Variants in DLGAP1 observed in about 807,000 individuals in gnomAD.
The protein encoded by DLGAP1 is DLG associated protein 1.
In DLGAP1, 11 loss-of-function variants were observed where a neutral mutation model predicts 90.8. The ratio of observed to expected loss-of-function variants is 0.12; its 90% CI spans 0.08 to 0.20. The LOEUF (loss-of-function observed/expected upper bound fraction) is 0.20, where lower values mean the gene tolerates loss of function less well. DLGAP1 is among the 10% of genes least tolerant of loss of function. DLGAP1 has a pLI of 1.00. For synonymous variants in DLGAP1, 558 were observed against 540.7 expected, an observed-to-expected ratio of 1.03 and a Z score of -0.44; for missense variants, 1,050 against 1,333.8, an observed-to-expected ratio of 0.79 and a Z score of 3.31.
chr18:3,611,566 C>T lies in DLGAP1; in HGVS notation c.1592-29318G>A, dbSNP rs992644518. Among the ~76,000 whole-genome samples, 129 of 152,254 alleles carry T rather than the reference C, an allele frequency of 8.5e-4. 1 individual carries two copies. Among genetic ancestry groups the T allele is most frequent in the Non-Finnish European group, 1.5e-3 (105 of 68,022 alleles). On this transcript the variant is annotated intron_variant, in intron 7 of 12. Transcript: ENST00000315677. ...AGCCCCTGCTTGTCATTTCTGTTAA[C>T]GCGTCCCCGCCTCCCACCTCGAAAT...
At chr18:3,971,852 CATA>C (rs1315362916) in intron 3 of DLGAP1, among the ~76,000 whole-genome samples, 1 of 152,098 alleles carries the variant, frequency 6.6e-6, no homozygotes, top group Non-Finnish European at 1.5e-5. Flanking sequence ...TTTTAATAAG[CATA>C]ATAATTTTCA....
intron 3 of DLGAP1, among the ~76,000 whole-genome samples, chr18:3,930,455 A>G (rs1233383063): frequency 6.6e-6 from 1 of 152,156 alleles, no homozygotes; most frequent in Non-Finnish European, 1.5e-5. Flanking sequence ...ACATTAGTTC[A>G]TTTTTAGCAT....
At position 4,103,465 on chromosome 18, in the gene DLGAP1, C is replaced by T. The variant is rs371686525; in HGVS notation, c.-159+47715G>A. Reference sequence around the variant, plus strand: ...AAAATCTAATTGGTAGGGTAGTGTACAAGAAAAACCATTTGTGTTTGCTTA... The same window carrying T: ...AAAATCTAATTGGTAGGGTAGTGTATAAGAAAAACCATTTGTGTTTGCTTA... On this transcript the variant is annotated intron_variant, in intron 2 of 12. Coordinates refer to ENST00000315677, the MANE Select transcript of DLGAP1 (RefSeq NM_004746.4). 7.4e-4 allele frequency among the ~76,000 whole-genome samples: 113 copies of T among 152,190 alleles called. 4 individuals are homozygous for T. In the South Asian group the frequency reaches 0.015, roughly 20 times the overall value.
At chr18:4,165,961 A>C (rs2076925973) in intron 1 of DLGAP1, among the ~76,000 whole-genome samples, 1 of 152,178 alleles carries the variant, frequency 6.6e-6, no homozygotes. Context: ...GTTCAAGACC[A>C]GCCCTGAACA....
At chr18:4,364,015 AAC>A (rs1338212505) in intron 1 of DLGAP1, among the ~76,000 whole-genome samples, 1 of 151,944 alleles carries the variant, frequency 6.6e-6, no homozygotes, top group East Asian at 1.9e-4. Flanking sequence ...CCAAATGTCC[AAC>A]AATGATAGAC....
intron 7 of DLGAP1, among the ~76,000 whole-genome samples, chr18:3,668,228 A>G (rs2059950828): frequency 6.6e-6 from 1 of 152,192 alleles, no homozygotes; most frequent in Admixed American, 6.5e-5. Context: ...AATGAACAGA[A>G]GCCTGTCTTT....
At chr18:3,974,767 C>T (rs1257328219) in intron 3 of DLGAP1, among the ~76,000 whole-genome samples, 2 of 151,872 alleles carry the variant, frequency 1.3e-5, no homozygotes, top group East Asian at 1.9e-4. Flanking sequence ...AGACTCACAC[C>T]GATGAGTAGT....
rs1199817824 is a variant in DLGAP1, at chr18:3,887,630, TACATG to T, written c.-72-7495_-72-7491del. Among the ~76,000 whole-genome samples, 17 of 152,330 alleles carry T rather than the reference TACATG, an allele frequency of 1.1e-4. No homozygotes were observed. In the East Asian group the frequency reaches 3.3e-3, roughly 29 times the overall value. On this transcript the variant is annotated intron_variant, in intron 3 of 12. Coordinates refer to ENST00000315677, the MANE Select transcript of DLGAP1 (RefSeq NM_004746.4). ...ATGCTCCAACCACAGTCTGAACACA[TACATG>T]ACATTTTTTTTTAGACAGAACAAAA...
intron 1 of DLGAP1, among the ~76,000 whole-genome samples, chr18:4,310,693 A>G (rs1046031621): frequency 6.6e-6 from 1 of 152,228 alleles, no homozygotes; most frequent in Non-Finnish European, 1.5e-5. Flanking sequence ...TGTCTGGCAT[A>G]TAACGATGCA....
intron 5 of DLGAP1, among the ~76,000 whole-genome samples, chr18:3,807,864 C>G (rs2066639993): frequency 6.6e-6 from 1 of 152,220 alleles, no homozygotes; most frequent in African/African-American, 2.4e-5. Flanking sequence ...TCTCTCCTCT[C>G]TATAGTCATG....
intron 1 of DLGAP1, among the ~76,000 whole-genome samples, chr18:4,257,837 C>T (rs1235820694): frequency 6.6e-6 from 1 of 151,780 alleles, no homozygotes; most frequent in Non-Finnish European, 1.5e-5. Context: ...GTTGGCCAGG[C>T]TGGTCTCAAA....
chr18:4,215,382 A>G (rs1181978583), intron 1 of DLGAP1, among the ~76,000 whole-genome samples: 1 of 152,186 alleles, frequency 6.6e-6, no homozygotes, highest in Admixed American at 6.6e-5. Context: ...CACAAATTCC[A>G]AGATTTTCAT....
intron 3 of DLGAP1, among the ~76,000 whole-genome samples, chr18:3,880,724 C>A (rs904752817): frequency 2.0e-5 from 3 of 151,934 alleles, no homozygotes; most frequent in African/African-American, 7.2e-5. Flanking sequence ...GGGCGGATCA[C>A]CTGAGGTCAG....
intron 3 of DLGAP1, among the ~76,000 whole-genome samples, chr18:3,975,591 A>T (rs8083148): frequency 1.3e-5 from 2 of 151,790 alleles, no homozygotes; most frequent in Non-Finnish European, 2.9e-5. Flanking sequence ...TGCAAAAAAT[A>T]GAAACTAGGG....
In DLGAP1 at chr18:3,555,905, G is replaced by A. The variant is rs371774608; in HGVS notation, c.2057+11585C>T. ...ATGTTTGAAGTAAAGTAAAGGAGAC[G>A]ACTTTCTCCTCCTTTTTTTTGAAGA... On this transcript the variant is annotated intron_variant, in intron 9 of 12. Coordinates refer to ENST00000315677, the MANE Select transcript of DLGAP1 (RefSeq NM_004746.4). 8.5e-5 allele frequency among the ~76,000 whole-genome samples: 13 copies of A among 152,224 alleles called. No individual in the cohort carries two copies. In the South Asian group the frequency reaches 1.2e-3, roughly 15 times the overall value.
chr18:4,368,688 A>G (rs1183786910), intron 1 of DLGAP1, among the ~76,000 whole-genome samples: 1 of 143,934 alleles, frequency 6.9e-6, no homozygotes, highest in African/African-American at 2.6e-5. Flanking sequence ...CACACATCCT[A>G]TTGGTTCTGT....
chr18:4,381,647 C>A (rs2082122125), intron 1 of DLGAP1, among the ~76,000 whole-genome samples: 1 of 152,084 alleles, frequency 6.6e-6, no homozygotes, highest in South Asian at 2.1e-4. Flanking sequence ...TGACATTTAA[C>A]CTTCCTCTCT....
At chr18:4,201,113 C>T (rs552356657) in intron 1 of DLGAP1, among the ~76,000 whole-genome samples, 5 of 148,542 alleles carry the variant, frequency 3.4e-5, no homozygotes, top group East Asian at 2.0e-4. Flanking sequence ...TTTCTGTTGA[C>T]GACTTTTTTT....
chr18:4,452,896 T>C (rs1279695674), intron 1 of DLGAP1, among the ~76,000 whole-genome samples: 2 of 152,218 alleles, frequency 1.3e-5, no homozygotes, highest in Non-Finnish European at 2.9e-5. Flanking sequence ...AAAAGAATGT[T>C]AACCAGTTCC....
Sources: gnomAD v4.1 joint callset for allele counts (sites outside exome capture counted in the v4.1 genomes callset) on GRCh38, gnomAD v4.1.1 for gene constraint, MANE v1.5 for transcripts, NCBI Gene and HGNC (gene_info 2026-07-23, HGNC 2026-07-21) for gene names.